Variants in NKAP observed in about 807,000 individuals in gnomAD.
NKAP encodes NF-kappa-B-activating protein.
Under a neutral mutation model 35.6 loss-of-function variants are expected in NKAP, and 4 were observed. That is an observed-to-expected ratio of 0.11 (90% confidence interval 0.06 to 0.26). The LOEUF (loss-of-function observed/expected upper bound fraction) is 0.26, where lower values mean the gene tolerates loss of function less well. Among genes scored for constraint, NKAP ranks in the 10% least tolerant of loss-of-function variants. NKAP has a pLI of 1.00. For synonymous variants in NKAP, 106 were observed against 119.2 expected (o/e 0.89, Z 0.72); for missense variants, 238 against 321.9 (o/e 0.74, Z 1.99).
chrX:119,933,283 G>C (rs765212447), intron 5 of NKAP, among the ~76,000 whole-genome samples: 1 of 111,679 alleles, frequency 9.0e-6, no homozygotes, highest in African/African-American at 3.3e-5. Context: ...TTCTCTTATA[G>C]AATCATTCTG....
rs779428066 is a variant in NKAP at position 119,934,592 on chromosome X, A to T, written c.674-35T>A. 4.9e-5 allele frequency: 50 copies of T among 1,015,209 alleles called. No individual in the cohort carries two copies. The East Asian group carries it at 5.1e-4, about 10-fold the overall frequency. 83.7% of individuals were successfully genotyped at this position (1,015,209 alleles called of 1,213,427 possible). ...AAAGCACATTACAATTAAGAAAAAA[A>T]TTTTTTAACTCTAAAACCGTAGTAC... On this transcript the variant is annotated intron_variant, in intron 4 of 8. Coordinates refer to ENST00000371410, the MANE Select transcript of NKAP (RefSeq NM_024528.4).
chrX:119,943,051 GA>G, intron 1 of NKAP, 168 bp downstream of exon 1: 1 of 638,884 alleles, frequency 1.6e-6, no homozygotes, highest in Non-Finnish European at 2.3e-6. Flanking sequence ...AAGGGAAAAT[GA>G]AAAGGACGAA....
intron 8 of NKAP, among the ~76,000 whole-genome samples, chrX:119,925,929 C>CTTT (rs1305744041): frequency 0.02 from 916 of 46,347 alleles, 23 homozygotes; most frequent in African/African-American, 0.068. Flanking sequence ...ATCCTTTTTT[C>CTTT]TTTTTTTTTT....
chrX:119,923,743 T>A lies in NKAP; in HGVS notation c.*1477A>T, dbSNP rs997682884. ...GCCAAGGCGGGCGGATCACCTGGGGTTGGGAGTTCGAGACCAGCCTGACCA... is the reference window on the plus strand; with the variant it reads ...GCCAAGGCGGGCGGATCACCTGGGGATGGGAGTTCGAGACCAGCCTGACCA... On this transcript the variant is annotated 3_prime_UTR_variant, in exon 9 of 9. Coordinates refer to ENST00000371410, the MANE Select transcript of NKAP (RefSeq NM_024528.4). 8.9e-6 allele frequency: 1 copy of A among 111,798 alleles called. No individual in the cohort carries two copies. The highest frequency in any genetic ancestry group is 9.6e-5 in the Admixed American group (1 of 10,450). The allele number at this position is 111,798 out of a possible 1,213,427, so 9.2% of individuals were successfully genotyped here. A position where few individuals can be genotyped will look rare whatever the true frequency, so the allele number is the denominator to read the frequency against.
intron 8 of NKAP, among the ~76,000 whole-genome samples, chrX:119,927,091 G>C (rs2056718578): frequency 1.0e-5 from 1 of 96,271 alleles, no homozygotes; most frequent in African/African-American, 3.7e-5. Flanking sequence ...AAAGAACCAA[G>C]TCTAAATCTG....
rs184475994 is a variant in NKAP, at chrX:119,942,659, T to C, written c.386+561A>G. 9.9e-5 allele frequency among the ~76,000 whole-genome samples: 11 copies of C among 111,496 alleles called. No individual in the cohort carries two copies. The East Asian group carries it at 3.1e-3, about 31-fold the overall frequency. ...CACTTTTCCTACATGCATCTAATCG[T>C]CTTGTCTGAGGGGAAGGTTTATTTC... On this transcript the variant is annotated intron_variant, in intron 1 of 8. Coordinates refer to ENST00000371410, the MANE Select transcript of NKAP (RefSeq NM_024528.4).
chrX:119,936,831 T>A lies in NKAP; in HGVS notation c.468-149A>T, dbSNP rs770459950. On this transcript the variant is annotated intron_variant, in intron 2 of 8. Coordinates refer to ENST00000371410, the MANE Select transcript of NKAP (RefSeq NM_024528.4). ...AGCATTGGAGATCCTAAGGCAGAAC[T>A]TGGGAATCAAAAAAACCAAAACAAC... The A allele has an allele frequency of 3.6e-5, 16 of 445,534 alleles. No homozygotes were observed. The Admixed American group carries it at 7.1e-4, about 20-fold the overall frequency. The allele number at this position is 445,534 out of a possible 1,213,427, so 36.7% of individuals were successfully genotyped here.
rs1289470014 is a variant in NKAP, at chrX:119,943,266, A to G, written c.340T>C (p.Trp114Arg). 8.3e-7 allele frequency: 1 copy of G among 1,209,614 alleles called. No homozygotes were observed. The highest frequency in any genetic ancestry group is 1.1e-6 in the Non-Finnish European group (1 of 894,171). ...YSRPYGSDKP[W>R]PSLLDKEREE... Reference sequence around the variant, plus strand: ...CTCTCCTTGTCGAGGAGGCTAGGCCAAGGCTTGTCGCTCCCGTAGGGGCGC... The same window carrying G: ...CTCTCCTTGTCGAGGAGGCTAGGCCGAGGCTTGTCGCTCCCGTAGGGGCGC... The change falls in exon 1 of 9, where the codon TGG becomes CGG. Residue 114 changes from tryptophan to arginine, a missense_variant. Coordinates refer to ENST00000371410, the MANE Select transcript of NKAP (RefSeq NM_024528.4).
rs2147849989 is a variant in NKAP at position 119,939,893 on chromosome X, C to T, written c.387-1083G>A. ...TAACCTGGGAGACAGAGCGAGACTC[C>T]GTCTCAAAAAAAAAAAAGAGGTCTT... On this transcript the variant is annotated intron_variant, in intron 1 of 8. Coordinates refer to ENST00000371410, the MANE Select transcript of NKAP (RefSeq NM_024528.4). Among the ~76,000 whole-genome samples, 2 of 105,828 alleles carry T rather than the reference C, an allele frequency of 1.9e-5. 1 individual carries two copies. The highest frequency in any genetic ancestry group is 8.6e-4 in the South Asian group (2 of 2,321). 91.9% of individuals were successfully genotyped at this position (105,828 alleles called of 115,157 possible).
chrX:119,938,245 G>T (rs1482451079), intron 2 of NKAP, among the ~76,000 whole-genome samples: 1 of 110,641 alleles, frequency 9.0e-6, no homozygotes, highest in Non-Finnish European at 1.9e-5. Flanking sequence ...GCCGGGCATG[G>T]TGGCAGGCAC....
chrX:119,943,129 A>G, intron 1 of NKAP, 91 bp downstream of exon 1: 1 of 1,075,633 alleles, frequency 9.3e-7, no homozygotes, highest in Non-Finnish European at 1.2e-6. Context: ...AGAGTGAGCG[A>G]AATGCGAATA....
intron 8 of NKAP, 37 bp downstream of exon 8, chrX:119,929,979 C>A: frequency 8.9e-7 from 1 of 1,118,800 alleles, no homozygotes; most frequent in Non-Finnish European, 1.2e-6. Context: ...AGAAAAAGAT[C>A]TAATCATGGA....
At chrX:119,942,304 C>T (rs1252603946) in intron 1 of NKAP, among the ~76,000 whole-genome samples, 1 of 110,433 alleles carries the variant, frequency 9.1e-6, no homozygotes, top group Non-Finnish European at 1.9e-5. Context: ...GAAACCCTGT[C>T]TCTACCAAAA....
rs913421374 is a variant in NKAP at position 119,921,225 on chromosome X, T to C, written c.*3995A>G. On this transcript the variant is annotated 3_prime_UTR_variant, in exon 9 of 9. Transcript: ENST00000371410. ...TACAATCATTGCCCTTACTTATCTTTGATCTTCTTCCCATCCTCACACTGA... is the reference window on the plus strand; with the variant it reads ...TACAATCATTGCCCTTACTTATCTTCGATCTTCTTCCCATCCTCACACTGA... 4.5e-5 allele frequency: 5 copies of C among 111,290 alleles called. No individual in the cohort carries two copies. Among genetic ancestry groups the C allele is most frequent in the Non-Finnish European group, 9.4e-5 (5 of 53,080 alleles). 9.2% of individuals were successfully genotyped at this position (111,290 alleles called of 1,213,427 possible).
chrX:119,936,602 T>C lies in NKAP; in HGVS notation c.538+10A>G, dbSNP rs945516341. ...CTTGTATTTTAAAAATACCCTTTTTTTAAAAATACCTTCTGAAGTAGAAGC... is the reference window on the plus strand; with the variant it reads ...CTTGTATTTTAAAAATACCCTTTTTCTAAAAATACCTTCTGAAGTAGAAGC... On this transcript the variant is annotated intron_variant, in intron 3 of 8. Coordinates refer to ENST00000371410, the MANE Select transcript of NKAP (RefSeq NM_024528.4). 5.2e-6 allele frequency: 6 copies of C among 1,143,923 alleles called. No homozygotes were observed. Among genetic ancestry groups the C allele is most frequent in the Middle Eastern group, 5.8e-4 (2 of 3,477 alleles). 94.3% of individuals were successfully genotyped at this position (1,143,923 alleles called of 1,213,427 possible). A position where few individuals can be genotyped will look rare whatever the true frequency, so the allele number is the denominator to read the frequency against.
At chrX:119,940,402 C>T (rs1380240660) in intron 1 of NKAP, among the ~76,000 whole-genome samples, 2 of 105,609 alleles carry the variant, frequency 1.9e-5, no homozygotes, top group Non-Finnish European at 3.9e-5. Flanking sequence ...AAGGTTTGTT[C>T]CCTCTCTGTT....
In NKAP at chrX:119,925,107, C is replaced by A; in HGVS notation, c.*113G>T. The A allele has an allele frequency of 1.4e-6, 1 of 738,716 alleles. No individual in the cohort carries two copies. Among genetic ancestry groups the A allele is most frequent in the Admixed American group, 3.1e-5 (1 of 31,771 alleles). The allele number at this position is 738,716 out of a possible 1,213,427, so 60.9% of individuals were successfully genotyped here. A position where few individuals can be genotyped will look rare whatever the true frequency, so the allele number is the denominator to read the frequency against. ...AGGACTGAAAGAATTAAATAGAAGG[C>A]ACAGTAGCACTGTAAAGCTTTCTCA... On this transcript the variant is annotated 3_prime_UTR_variant, in exon 9 of 9. Transcript: ENST00000371410.
rs17851290 is a variant in NKAP at position 119,932,116 on chromosome X, C to A, written c.838G>T (p.Asp280Tyr). Reference protein sequence around the residue: ...QEEFLENPWKDRTKAEEPSDL... With the variant: ...QEEFLENPWKYRTKAEEPSDL... ...TATCAGAAGAACCTACTTGTTCGAT[C>A]CTTCCAGGGATTTTCCAGAAACTCT... Residue 280 changes from aspartate to tyrosine, a missense_variant, in exon 6 of 9, where the codon GAT (aspartate) becomes TAT (tyrosine). Physicochemically the swap from Asp to Tyr is radical, Grantham distance 160. Transcript: ENST00000371410. 8.3e-7 allele frequency: 1 copy of A among 1,206,150 alleles called. No homozygotes were observed. Among genetic ancestry groups the A allele is most frequent in the Non-Finnish European group, 1.1e-6 (1 of 891,248 alleles).
chrX:119,925,813 G>A (rs1039965413), intron 8 of NKAP, among the ~76,000 whole-genome samples: 1 of 109,826 alleles, frequency 9.1e-6, no homozygotes, highest in African/African-American at 3.3e-5. Context: ...CTCCCAAAGT[G>A]CTGAGATTAC....
Sources: gnomAD v4.1 joint callset for allele counts (sites outside exome capture counted in the v4.1 genomes callset) on GRCh38, gnomAD v4.1.1 for gene constraint, MANE v1.5 for transcripts, NCBI Gene and HGNC (gene_info 2026-07-23, HGNC 2026-07-21) for gene names.